FAM210A: variants seen among roughly 807,000 people sequenced by gnomAD.
FAM210A encodes family with sequence similarity 210 member A.
Under a neutral mutation model 25.3 loss-of-function variants are expected in FAM210A, and 13 were observed. The observed-to-expected ratio is 0.51, with a 90% confidence interval of 0.33 to 0.82. FAM210A has a LOEUF of 0.82. Among genes scored for constraint, FAM210A ranks in the 40% least tolerant of loss-of-function variants. The pLI, the probability that FAM210A is intolerant of heterozygous loss-of-function variation, is 0.02. For missense variants in FAM210A, 319 were observed against 323.2 expected (o/e 0.99, Z 0.10); for synonymous variants, 125 against 118.7 (o/e 1.05, Z -0.35).
chr18:13,709,464 G>A (rs1026531936), intron 1 of FAM210A, among the ~76,000 whole-genome samples: 2 of 152,104 alleles, frequency 1.3e-5, no homozygotes, highest in African/African-American at 2.4e-5. Flanking sequence ...CAACTGCTTC[G>A]CCTCCTGGAA....
chr18:13,680,769 G>A (rs1345675004), intron 2 of FAM210A, among the ~76,000 whole-genome samples: 1 of 152,166 alleles, frequency 6.6e-6, no homozygotes, highest in Non-Finnish European at 1.5e-5. Flanking sequence ...ACGCACACCA[G>A]GCCCGGACAC....
rs527292712 is a variant in FAM210A at position 13,696,542 on chromosome 18, G to A, written c.-28-14437C>T. On this transcript the variant is annotated intron_variant, in intron 1 of 3. Transcript: ENST00000651643. ...TCAGCCAGTGATGGACAGCATGAAA[G>A]ACGGTGCCATAAGATAAAAGAGCAG... 7.2e-5 allele frequency among the ~76,000 whole-genome samples: 11 copies of A among 152,298 alleles called. No homozygotes were observed. In the South Asian group the frequency reaches 2.3e-3, roughly 32 times the overall value.
chr18:13,713,533 TAAC>T lies in FAM210A; in HGVS notation c.-29+12793_-29+12795del, dbSNP rs144991691. 8.0e-3 allele frequency among the ~76,000 whole-genome samples: 1,217 copies of T among 152,270 alleles called. 20 individuals are homozygous for T. Among genetic ancestry groups the T allele is most frequent in the African/African-American group, 0.028 (1,174 of 41,538 alleles). On this transcript the variant is annotated intron_variant, in intron 1 of 3. Coordinates refer to ENST00000651643, the MANE Select transcript of FAM210A (RefSeq NM_152352.4). ...CCTGAATACATTTAAACATGTGAAT[TAAC>T]AAAAATATATTTGCAGTTTCTGAAG...
At chr18:13,677,832 C>T (rs983121044) in intron 2 of FAM210A, among the ~76,000 whole-genome samples, 1 of 152,016 alleles carries the variant, frequency 6.6e-6, no homozygotes. Context: ...ATAACGGTAG[C>T]GGTAAACTCT....
At chr18:13,694,481 A>G (rs2043675834) in intron 1 of FAM210A, among the ~76,000 whole-genome samples, 1 of 152,260 alleles carries the variant, frequency 6.6e-6, no homozygotes, top group Non-Finnish European at 1.5e-5. Flanking sequence ...ACAAGGCTAC[A>G]GTAACCAAAA....
chr18:13,713,577 T>C (rs1483304965), intron 1 of FAM210A, among the ~76,000 whole-genome samples: 1 of 152,064 alleles, frequency 6.6e-6, no homozygotes, highest in Non-Finnish European at 1.5e-5. Context: ...GCCTGGTGAG[T>C]GAGCACAGAC....
intron 1 of FAM210A, among the ~76,000 whole-genome samples, chr18:13,682,494 G>C (rs1412050875): frequency 6.6e-6 from 1 of 152,166 alleles, no homozygotes; most frequent in African/African-American, 2.4e-5. Context: ...CTTAAACCCG[G>C]GAAGCGGAGG....
At chr18:13,720,985 G>A (rs2043893752) in intron 1 of FAM210A, among the ~76,000 whole-genome samples, 1 of 152,160 alleles carries the variant, frequency 6.6e-6, no homozygotes, top group Non-Finnish European at 1.5e-5. Context: ...AAGGACACCA[G>A]TTGTGTTGGA....
chr18:13,708,875 T>G (rs1214705527), intron 1 of FAM210A, among the ~76,000 whole-genome samples: 1 of 152,228 alleles, frequency 6.6e-6, no homozygotes, highest in Non-Finnish European at 1.5e-5. Context: ...CGCTGAAATC[T>G]TTAACCAGCC....
At chr18:13,700,562 C>G (rs1303028684) in intron 1 of FAM210A, among the ~76,000 whole-genome samples, 1 of 152,234 alleles carries the variant, frequency 6.6e-6, no homozygotes, top group Non-Finnish European at 1.5e-5. Context: ...ATCTCCCTGT[C>G]ACCAGACTTT....
intron 3 of FAM210A, among the ~76,000 whole-genome samples, chr18:13,667,708 A>T (rs1284194): frequency 2.0e-5 from 3 of 151,474 alleles, no homozygotes; most frequent in Admixed American, 6.6e-5. Context: ...ACAAGAGTGA[A>T]GCTACCTCTC....
In FAM210A at chr18:13,682,051, T is replaced by C. The variant is rs572460629; in HGVS notation, c.27A>G (p.Val9=). The C allele has an allele frequency of 2.1e-4, 331 of 1,608,402 alleles. 4 individuals are homozygous for C. The South Asian group carries it at 3.3e-3, about 16-fold the overall frequency. Reference sequence around the variant, plus strand: ...AGCATGTCCTGCGTGCCAGTCGAGATACAGTCCGTGGTACATTCCATTGCA... The same window carrying C: ...AGCATGTCCTGCGTGCCAGTCGAGACACAGTCCGTGGTACATTCCATTGCA... MQWNVPRT[V]SRLARRTCLE... Residue 9 remains valine (V), a synonymous_variant, in exon 2 of 4, where the codon GTA becomes GTG. Transcript: ENST00000651643.
chr18:13,686,131 T>C (rs921781103), intron 1 of FAM210A, among the ~76,000 whole-genome samples: 2 of 152,128 alleles, frequency 1.3e-5, no homozygotes, highest in Non-Finnish European at 2.9e-5. Flanking sequence ...TCATAACAAC[T>C]GATCCCACGG....
intron 1 of FAM210A, among the ~76,000 whole-genome samples, chr18:13,704,786 T>C (rs2043765677): frequency 6.6e-6 from 1 of 152,216 alleles, no homozygotes; most frequent in Admixed American, 6.5e-5. Flanking sequence ...AATATGTCTG[T>C]GTATATGCTA....
At position 13,682,098 on chromosome 18, in the gene FAM210A, T is replaced by A; in HGVS notation, c.-21A>T. 6.5e-7 allele frequency: 1 copy of A among 1,529,846 alleles called. No homozygotes were observed. The allele number at this position is 1,529,846 out of a possible 1,614,324, so 94.8% of individuals were successfully genotyped here. On this transcript the variant is annotated 5_prime_UTR_variant, in exon 2 of 4. Transcript: ENST00000651643. ...TGCATTTTGAAGAGTGTTGATAGGT[T>A]TCAGCTTCTACAAAGACAATTTTTC...
At chr18:13,667,949 G>C (rs1478152007) in intron 3 of FAM210A, among the ~76,000 whole-genome samples, 1 of 152,192 alleles carries the variant, frequency 6.6e-6, no homozygotes. Context: ...TGTAGTCCCA[G>C]CTACTTGGGA....
rs12961890 is a variant in FAM210A at position 13,691,877 on chromosome 18, A to G, written c.-28-9772T>C. Among the ~76,000 whole-genome samples the G allele has an allele frequency of 5.2e-4, 10 of 19,206 alleles. 3 individuals carry two copies. Among genetic ancestry groups the G allele is most frequent in the South Asian group, 3.5e-3 (4 of 1,148 alleles). The allele number at this position is 19,206 out of a possible 152,430, so 12.6% of individuals were successfully genotyped here. ...CAAAATAACCAGCTAACATCATAATAACAGGATCAAATTCACACATAACAA... is the reference window on the plus strand; with the variant it reads ...CAAAATAACCAGCTAACATCATAATGACAGGATCAAATTCACACATAACAA... On this transcript the variant is annotated intron_variant, in intron 1 of 3. Transcript: ENST00000651643.
intron 3 of FAM210A, chr18:13,670,933 T>C (rs2043436464): frequency 1.3e-5 from 2 of 152,580 alleles, no homozygotes; most frequent in Admixed American, 1.3e-4. Flanking sequence ...GAGGCAGAGG[T>C]TGCGGTGAGC....
chr18:13,676,914 G>C (rs953869377), intron 2 of FAM210A, among the ~76,000 whole-genome samples: 1 of 152,112 alleles, frequency 6.6e-6, no homozygotes, highest in Non-Finnish European at 1.5e-5. Context: ...GACACATAAA[G>C]CCAGTCTGTC....
Sources: gnomAD v4.1 joint callset for allele counts (sites outside exome capture counted in the v4.1 genomes callset) on GRCh38, gnomAD v4.1.1 for gene constraint, MANE v1.5 for transcripts, NCBI Gene and HGNC (gene_info 2026-07-23, HGNC 2026-07-21) for gene names.